The following ALDH3A2 variants were observed in gnomAD, a reference collection of about 807,000 sequenced individuals.
ALDH3A2 encodes the protein aldehyde dehydrogenase family 3 member A2.
A neutral mutation model predicts 51.3 loss-of-function variants in ALDH3A2; 36 were observed. The ratio of observed to expected loss-of-function variants is 0.70; its 90% CI spans 0.54 to 0.93. The LOEUF is 0.93. Among genes scored for constraint, ALDH3A2 ranks in the 40% least tolerant of loss-of-function variants. ALDH3A2 has a pLI of 0.00. For synonymous variants in ALDH3A2, 199 were observed against 219.8 expected (o/e 0.91, Z 0.84); for missense variants, 552 against 603.1 (o/e 0.92, Z 0.89).
At chr17:19,661,788 C>T (rs987093254) in intron 6 of ALDH3A2, among the ~76,000 whole-genome samples, 2 of 151,060 alleles carry the variant, frequency 1.3e-5, no homozygotes, top group African/African-American at 4.9e-5. Context: ...AAAAATTAGA[C>T]ACATTTTGCT....
intron 1 of ALDH3A2, 69 bp from the exon 2 acceptor site, chr17:19,651,478 T>C (rs925757449): frequency 7.9e-7 from 1 of 1,273,056 alleles, no homozygotes. Context: ...CTGGTGTGAG[T>C]GTTCTGACAT....
At position 19,656,449 on chromosome 17, in the gene ALDH3A2, A is replaced by G; in HGVS notation, c.555A>G (p.Gly185=). The change falls in exon 4 of 10, where the codon GGA becomes GGG. Residue 185 remains glycine, a synonymous_variant. Transcript: ENST00000176643. ...KQRFDHIFYT[G]NTAVGKIVME... is the part of the protein sequence containing the mutation. ...GATTTGACCACATTTTCTATACGGG[A>G]AACACTGCGGTTGGCAAAATTGTCA... 1 of 1,614,206 alleles carries G rather than the reference A, an allele frequency of 6.2e-7. No homozygotes were observed.
chr17:19,657,072 C>T (rs1005756620), intron 4 of ALDH3A2, among the ~76,000 whole-genome samples: 7 of 152,170 alleles, frequency 4.6e-5, no homozygotes, highest in African/African-American at 2.4e-5. Context: ...CTGCTAAATC[C>T]GGTTTAGCTA....
At chr17:19,671,568 G>A (rs2085113976) in intron 8 of ALDH3A2, among the ~76,000 whole-genome samples, 153 bp from the exon 9 acceptor site, 3 of 152,176 alleles carry the variant, frequency 2.0e-5, no homozygotes, top group African/African-American at 7.2e-5. Context: ...AGTTGGTAAG[G>A]ACTTCCTGAA....
rs554100509 is a variant in ALDH3A2 at position 19,648,961 on chromosome 17, A to G, written c.-11A>G. ...GCCCCCGGACCGTGCAGTTCTCTGC[A>G]GGACCAGGCCATGGAGCTCGAAGTC... On this transcript the variant is annotated 5_prime_UTR_variant, in exon 1 of 10. Transcript: ENST00000176643. The G allele has an allele frequency of 5.3e-5, 84 of 1,581,248 alleles. No homozygotes were observed. The highest frequency in any genetic ancestry group is 2.0e-4 in the Admixed American group (11 of 54,892).
chr17:19,648,655 C>CCGGGGAGAGG, upstream of ALDH3A2: 1 of 436,364 alleles, frequency 2.3e-6, no homozygotes, highest in Admixed American at 3.6e-5. Context: ...GCTGCCAGAG[C>CCGGGGAGAGG]CGGGGAGAGG....
Position 19,649,138 on chromosome 17 carries a change from C to T in ALDH3A2, c.153+14C>T, listed in dbSNP as rs770889152. 11 of 1,553,650 alleles carry T rather than the reference C, an allele frequency of 7.1e-6. No homozygotes were observed. The highest frequency in any genetic ancestry group is 9.6e-6 in the Non-Finnish European group (11 of 1,146,428). On this transcript the variant is annotated intron_variant, in intron 1 of 9. Transcript: ENST00000176643. ...GACCTGTGCAAGGTACGCACGCGTG[C>T]GGCGGGGTGTGGGGAAACTGGCCCC...
At chr17:19,672,051 A>G (rs2085123890) in intron 9 of ALDH3A2, 95 bp downstream of exon 9, 4 of 1,190,292 alleles carry the variant, frequency 3.4e-6, no homozygotes, top group Non-Finnish European at 5.0e-6. Context: ...TAACTTGTAG[A>G]GTCTAAGACA....
rs2085204716 is a variant in ALDH3A2 at position 19,677,260 on chromosome 17, A to G, written c.*1688A>G. On this transcript the variant is annotated 3_prime_UTR_variant, in exon 10 of 10. Coordinates refer to ENST00000176643, the MANE Select transcript of ALDH3A2 (RefSeq NM_000382.3). ...TCAACTTTGTTGAATAATTTGTTCT[A>G]TTAAGGCTGTCTAAAGTATGTGATG... 6.6e-6 allele frequency: 1 copy of G among 152,248 alleles called. No individual in the cohort carries two copies. The allele number at this position is 152,248 out of a possible 1,614,324, so 9.4% of individuals were successfully genotyped here.
rs1197638513 is a variant in ALDH3A2, at chr17:19,656,579, G to T, written c.680+5G>T. The T allele has an allele frequency of 6.2e-7, 1 of 1,606,764 alleles. No individual in the cohort carries two copies. Among genetic ancestry groups the T allele is most frequent in the Non-Finnish European group, 8.5e-7 (1 of 1,175,932 alleles). On this transcript the variant is annotated splice_donor_5th_base_variant and intron_variant, in intron 4 of 9. Transcript: ENST00000176643. ...TGACCTGGACATTGTTTGCAGGTGAGTCTGGCTCTCTGATTTTCTGAGGTT... is the reference window on the plus strand; with the variant it reads ...TGACCTGGACATTGTTTGCAGGTGATTCTGGCTCTCTGATTTTCTGAGGTT...
chr17:19,649,132 C>G lies in ALDH3A2; in HGVS notation c.153+8C>G. 6.4e-7 allele frequency: 1 copy of G among 1,557,580 alleles called. No individual in the cohort carries two copies. Among genetic ancestry groups the G allele is most frequent in the Non-Finnish European group, 8.7e-7 (1 of 1,148,772 alleles). ...GCCGCCGACCTGTGCAAGGTACGCA[C>G]GCGTGCGGCGGGGTGTGGGGAAACT... On this transcript the variant is annotated splice_region_variant and intron_variant, in intron 1 of 9. Transcript: ENST00000176643.
chr17:19,668,647 G>A (rs1382372705), intron 8 of ALDH3A2, among the ~76,000 whole-genome samples: 1 of 80,700 alleles, frequency 1.2e-5, no homozygotes, highest in Non-Finnish European at 2.8e-5. Context: ...TCTGTAGGCT[G>A]GGTGCGGTTG....
At chr17:19,662,150 A>G (rs1385446336) in intron 6 of ALDH3A2, 2 of 152,202 alleles carry the variant, frequency 1.3e-5, no homozygotes, top group Non-Finnish European at 2.9e-5. Flanking sequence ...CATCCTCAGC[A>G]TGTCCACATT....
intron 7 of ALDH3A2, 63 bp downstream of exon 7, chr17:19,663,562 G>T: frequency 1.9e-6 from 3 of 1,568,118 alleles, no homozygotes; most frequent in African/African-American, 1.4e-5. Context: ...TTCCTTCTTT[G>T]CTGTAAAACA....
intron 3 of ALDH3A2, chr17:19,656,066 T>C (rs889231805): frequency 7.3e-6 from 3 of 412,854 alleles, no homozygotes; most frequent in Admixed American, 7.1e-5. Context: ...CCGCGTCTCA[T>C]GCATTTTCCC....
intron 1 of ALDH3A2, chr17:19,649,987 CT>C (rs907582290): frequency 6.5e-6 from 1 of 152,968 alleles, no homozygotes; most frequent in Non-Finnish European, 1.5e-5. Context: ...TCTCGGCTCA[CT>C]GCAACCTCCA....
rs75718725 is a variant in ALDH3A2, at chr17:19,666,687, G to A, written c.1207+1640G>A. Among the ~76,000 whole-genome samples, 45 of 152,064 alleles carry A rather than the reference G, an allele frequency of 3.0e-4. No homozygotes were observed. In the East Asian group the frequency reaches 8.3e-3, roughly 28 times the overall value. On this transcript the variant is annotated intron_variant, in intron 8 of 9. Transcript: ENST00000176643. ...AGCTACCAGGGAGGCTGAGGCAGGAGAATTGCTTGAACCAGGGAGGTGGAG... is the reference window on the plus strand; with the variant it reads ...AGCTACCAGGGAGGCTGAGGCAGGAAAATTGCTTGAACCAGGGAGGTGGAG...
intron 5 of ALDH3A2, among the ~76,000 whole-genome samples, chr17:19,660,592 A>G (rs1407653032): frequency 2.0e-5 from 3 of 152,280 alleles, no homozygotes; most frequent in Non-Finnish European, 2.9e-5. Flanking sequence ...TGGTTTCACC[A>G]TCATGTGTAA....
chr17:19,659,421 C>T (rs2084939200), intron 5 of ALDH3A2, among the ~76,000 whole-genome samples: 1 of 152,044 alleles, frequency 6.6e-6, no homozygotes, highest in Non-Finnish European at 1.5e-5. Context: ...GCCTGTAGTC[C>T]CAGCTACTCA....
Sources: gnomAD v4.1 joint callset for allele counts (sites outside exome capture counted in the v4.1 genomes callset) on GRCh38, gnomAD v4.1.1 for gene constraint, MANE v1.5 for transcripts, NCBI Gene and HGNC (gene_info 2026-07-23, HGNC 2026-07-21) for gene names.